Variants in CARMIL1 observed in about 807,000 individuals in gnomAD.
The protein encoded by CARMIL1 is F-actin-uncapping protein LRRC16A.
A neutral mutation model predicts 177.1 loss-of-function variants in CARMIL1; 90 were observed. The observed-to-expected ratio is 0.51, with a 90% CI of 0.43 to 0.61. The LOEUF (loss-of-function observed/expected upper bound fraction) is 0.61. CARMIL1 is among the 20% of genes least tolerant of loss of function. The probability of loss-of-function intolerance (pLI) is 0.00; values close to 1 mark genes in which losing one functional copy is unlikely to be tolerated. For synonymous variants in CARMIL1, 577 were observed against 606.2 expected (o/e 0.95, Z 0.71); for missense variants, 1,380 against 1,667.0 (o/e 0.83, Z 3.00).
chr6:25,438,110 A>G (rs977455132), intron 5 of CARMIL1, among the ~76,000 whole-genome samples: 3 of 152,210 alleles, frequency 2.0e-5, no homozygotes, highest in Admixed American at 1.3e-4. Context: ...CAGCACCATT[A>G]TAATAGCTCT....
intron 2 of CARMIL1, among the ~76,000 whole-genome samples, chr6:25,306,154 A>G (rs2690122): frequency 0.077 from 11,748 of 151,918 alleles, 554 homozygotes; most frequent in African/African-American, 0.14. Context: ...AAATATCCCT[A>G]TTTGGCATGT....
intron 32 of CARMIL1, among the ~76,000 whole-genome samples, chr6:25,598,623 G>GT (rs1465919117): frequency 4.6e-5 from 7 of 151,960 alleles, no homozygotes; most frequent in Non-Finnish European, 8.8e-5. Flanking sequence ...TATTCCCTTT[G>GT]TTTTTCTGGG....
intron 8 of CARMIL1, among the ~76,000 whole-genome samples, chr6:25,459,210 T>TTTTCTTTCCTTCTTTCTTTCTTTC (rs1799796428): frequency 1.0e-4 from 8 of 80,136 alleles, no homozygotes; most frequent in East Asian, 4.4e-4. Context: ...GATCCCAACT[T>TTTTCTTTCCTTCTTTCTTTCTTTC]TTTCTTTCTT....
intron 4 of CARMIL1, among the ~76,000 whole-genome samples, chr6:25,431,397 G>C (rs1433914366): frequency 1.3e-5 from 2 of 152,104 alleles, no homozygotes; most frequent in East Asian, 3.8e-4. Context: ...GTTCATCTTA[G>C]AGCAATGTTT....
chr6:25,352,586 C>T (rs1307548417), intron 2 of CARMIL1, among the ~76,000 whole-genome samples: 1 of 152,248 alleles, frequency 6.6e-6, no homozygotes, highest in East Asian at 1.9e-4. Context: ...GGCCTGCTAA[C>T]ATGTAAGAGT....
intron 26 of CARMIL1, among the ~76,000 whole-genome samples, chr6:25,541,884 C>T (rs982445136): frequency 6.6e-6 from 1 of 152,170 alleles, no homozygotes; most frequent in Non-Finnish European, 1.5e-5. Context: ...AAACTCCTGA[C>T]GTCAGCTCAA....
chr6:25,388,889 C>T (rs895549696), intron 2 of CARMIL1, among the ~76,000 whole-genome samples: 6 of 151,764 alleles, frequency 4.0e-5, no homozygotes, highest in African/African-American at 1.2e-4. Flanking sequence ...CTTTTTGTTG[C>T]CCAGGCTGGT....
chr6:25,392,982 A>T (rs1384028569), intron 2 of CARMIL1, among the ~76,000 whole-genome samples: 2 of 151,282 alleles, frequency 1.3e-5, no homozygotes, highest in Non-Finnish European at 2.9e-5. Flanking sequence ...TGCCTGTTAT[A>T]TGTTACTAAC....
intron 28 of CARMIL1, among the ~76,000 whole-genome samples, chr6:25,555,997 T>G (rs1810577975): frequency 1.3e-5 from 2 of 152,216 alleles, no homozygotes; most frequent in Non-Finnish European, 2.9e-5. Context: ...GGAAAGAGAT[T>G]AAGTCTCATA....
intron 24 of CARMIL1, among the ~76,000 whole-genome samples, chr6:25,535,734 G>A (rs1323144013): frequency 6.6e-6 from 1 of 152,172 alleles, no homozygotes; most frequent in Non-Finnish European, 1.5e-5. Context: ...ATTATGAACT[G>A]ATAAACCCCT....
At chr6:25,550,399 CA>C (rs1455309517) in intron 26 of CARMIL1, among the ~76,000 whole-genome samples, 1 of 151,956 alleles carries the variant, frequency 6.6e-6, no homozygotes, top group South Asian at 2.1e-4. Context: ...GTAAAATTGG[CA>C]GTAGTTTCTG....
chr6:25,320,419 C>T (rs1784588276), intron 2 of CARMIL1, among the ~76,000 whole-genome samples: 1 of 152,230 alleles, frequency 6.6e-6, no homozygotes, highest in Non-Finnish European at 1.5e-5. Flanking sequence ...AAATGGTTGT[C>T]ACCAAAATAT....
intron 28 of CARMIL1, 73 bp from the exon 29 acceptor site, chr6:25,556,628 G>A (rs1414626643): frequency 2.8e-6 from 4 of 1,439,264 alleles, no homozygotes; most frequent in East Asian, 2.4e-5. Flanking sequence ...TGTGGAAGAC[G>A]TCTTCAGGAA....
At chr6:25,594,616 A>G (rs1024609840) in intron 32 of CARMIL1, 89 bp downstream of exon 32, 4 of 748,212 alleles carry the variant, frequency 5.3e-6, no homozygotes, top group Non-Finnish European at 8.8e-6. Context: ...ACTAAGTTTC[A>G]TTTTATATAT....
At chr6:25,495,745 A>G (rs538985291) in intron 16 of CARMIL1, among the ~76,000 whole-genome samples, 1 of 152,264 alleles carries the variant, frequency 6.6e-6, no homozygotes, top group East Asian at 1.9e-4. Context: ...TAATATCCCT[A>G]GTGTAGGTAT....
intron 24 of CARMIL1, among the ~76,000 whole-genome samples, chr6:25,529,101 A>G (rs1417820402): frequency 3.3e-5 from 5 of 152,262 alleles, no homozygotes; most frequent in South Asian, 2.1e-4. Context: ...TTAATTATCA[A>G]TCAACAATTG....
Position 25,520,303 on chromosome 6 carries a change from CA to C in CARMIL1, c.1937del (p.Asn646ThrfsTer12). 6.4e-7 allele frequency: 1 copy of C among 1,562,720 alleles called. No individual in the cohort carries two copies. Among genetic ancestry groups the C allele is most frequent in the Admixed American group, 1.9e-5 (1 of 53,116 alleles). ...PMYDASQALK[T>X]NPEKTEDALQ... ...TATGATGCTTCTCAAGCCCTAAAAA[CA>C]AACCCTGAAAAAACAGAAGACGCTC... On this transcript the variant is annotated frameshift_variant, in exon 23 of 37. Coordinates refer to ENST00000329474, the MANE Select transcript of CARMIL1 (RefSeq NM_017640.6). LOFTEE classifies it high-confidence loss of function.
chr6:25,437,425 T>C (rs908006702), intron 5 of CARMIL1, among the ~76,000 whole-genome samples: 2 of 152,210 alleles, frequency 1.3e-5, no homozygotes, highest in African/African-American at 4.8e-5. Flanking sequence ...TGAGTAAGAA[T>C]AGTATTTTCA....
intron 2 of CARMIL1, among the ~76,000 whole-genome samples, chr6:25,341,927 C>A (rs182578450): frequency 2.6e-5 from 4 of 152,104 alleles, no homozygotes; most frequent in Non-Finnish European, 5.9e-5. Flanking sequence ...ACTGGAAAGG[C>A]GGAGGAGGGG....
Sources: gnomAD v4.1 joint callset for allele counts (sites outside exome capture counted in the v4.1 genomes callset) on GRCh38, gnomAD v4.1.1 for gene constraint, MANE v1.5 for transcripts, NCBI Gene and HGNC (gene_info 2026-07-23, HGNC 2026-07-21) for gene names.